Variants in EFHC1 observed in about 807,000 individuals in gnomAD.
The protein encoded by EFHC1 is EF-hand domain containing 1, also known as EF-hand domain-containing protein 1.
EFHC1 carries 53 observed loss-of-function variants against 69.9 expected under a neutral mutation model. The observed-to-expected ratio is 0.76, with a 90% CI of 0.61 to 0.95. The LOEUF (loss-of-function observed/expected upper bound fraction) is 0.95, where lower values mean the gene tolerates loss of function less well. Among genes scored for constraint, EFHC1 ranks in the 40% least tolerant of loss-of-function variants. The pLI, the probability that EFHC1 is intolerant of heterozygous loss-of-function variation, is 0.00. For missense variants in EFHC1, 739 were observed against 798.7 expected, an observed-to-expected ratio of 0.93 and a Z score of 0.90; for synonymous variants, 256 against 278.4, an observed-to-expected ratio of 0.92 and a Z score of 0.80.
At chr6:52,468,930 G>A (rs1317648031) in intron 6 of EFHC1, 3 of 285,458 alleles carry the variant, frequency 1.1e-5, no homozygotes, top group Non-Finnish European at 2.0e-5. Context: ...TGGTACTAGG[G>A]ACTATATGGA....
rs1415380898 is a variant in EFHC1, at chr6:52,493,862, A to G, written c.*1521A>G. ...AGCCACCCAAAATGTGGTATGAATG[A>G]GGATAGAGTTACACAGAATTCAGAC... On this transcript the variant is annotated 3_prime_UTR_variant, in exon 11 of 11. Coordinates refer to ENST00000371068, the MANE Select transcript of EFHC1 (RefSeq NM_018100.4). The G allele has an allele frequency of 4.4e-6, 2 of 454,118 alleles. No individual in the cohort carries two copies. Among genetic ancestry groups the G allele is most frequent in the Non-Finnish European group, 8.8e-6 (2 of 226,800 alleles). 28.1% of individuals were successfully genotyped at this position (454,118 alleles called of 1,614,324 possible). A position where few individuals can be genotyped will look rare whatever the true frequency, so the allele number is the denominator to read the frequency against.
At chr6:52,477,662 A>G (rs1478032306) in intron 7 of EFHC1, among the ~76,000 whole-genome samples, 1 of 152,210 alleles carries the variant, frequency 6.6e-6, no homozygotes, top group African/African-American at 2.4e-5. Context: ...GCAGCCAAAA[A>G]ACACATGAAA....
intron 3 of EFHC1, among the ~76,000 whole-genome samples, chr6:52,448,531 A>G (rs1764840586): frequency 6.6e-6 from 1 of 152,166 alleles, no homozygotes; most frequent in African/African-American, 2.4e-5. Context: ...AGATGAGGCA[A>G]TGCCCTGCCC....
At position 52,453,261 on chromosome 6, in the gene EFHC1, T is replaced by G. The variant is rs761438275; in HGVS notation, c.723+424T>G. The G allele has an allele frequency of 5.4e-6, 7 of 1,288,134 alleles. No individual in the cohort carries two copies. The South Asian group carries it at 8.6e-5, about 16-fold the overall frequency. 79.8% of individuals were successfully genotyped at this position (1,288,134 alleles called of 1,614,324 possible). A position where few individuals can be genotyped will look rare whatever the true frequency, so the allele number is the denominator to read the frequency against. On this transcript the variant is annotated intron_variant, in intron 4 of 10. Transcript: ENST00000371068. ...AGGTTGTAATGTTAAAATGTTTAAT[T>G]TCACAGAAGCCCCACTACAGATGCT...
rs114831775 is a variant in EFHC1 at position 52,478,562 on chromosome 6, C to T, written c.1279-475C>T. Among the ~76,000 whole-genome samples the T allele has an allele frequency of 6.1e-3, 924 of 152,130 alleles. 7 individuals carry two copies. The highest frequency in any genetic ancestry group is 0.021 in the African/African-American group (871 of 41,502). ...TATATAAATTGATTTGCTTAAAAAA[C>T]GAAACCTTGCATAATCATCTTAGTG... On this transcript the variant is annotated intron_variant, in intron 7 of 10. Transcript: ENST00000371068.
intron 3 of EFHC1, among the ~76,000 whole-genome samples, chr6:52,449,400 G>C (rs1264554134): frequency 1.3e-5 from 2 of 149,360 alleles, no homozygotes; most frequent in African/African-American, 5.1e-5. Context: ...AAAAAAAATA[G>C]TACCAGCTCT....
chr6:52,438,664 A>C, intron 3 of EFHC1, 73 bp downstream of exon 3: 1 of 1,525,678 alleles, frequency 6.6e-7, no homozygotes, highest in Non-Finnish European at 9.1e-7. Context: ...CATTTCATTT[A>C]TTAGGGTAAG....
In EFHC1 at chr6:52,473,906, A is replaced by G. The variant is rs1206806564; in HGVS notation, c.1278+4433A>G. Among the ~76,000 whole-genome samples, 5 of 152,372 alleles carry G rather than the reference A, an allele frequency of 3.3e-5. No individual in the cohort carries two copies. In the East Asian group the frequency reaches 9.6e-4, roughly 29 times the overall value. ...AGCTTCAAGTGGGAGCAGATGTTTA[A>G]TACAGAAATCAACCAAGATCTTATA... is the stretch of plus-strand genomic sequence containing the variant. On this transcript the variant is annotated intron_variant, in intron 7 of 10. Coordinates refer to ENST00000371068, the MANE Select transcript of EFHC1 (RefSeq NM_018100.4).
chr6:52,467,829 T>C (rs1172114201), intron 6 of EFHC1, among the ~76,000 whole-genome samples: 1 of 152,210 alleles, frequency 6.6e-6, no homozygotes, highest in African/African-American at 2.4e-5. Flanking sequence ...TAGAGATAAA[T>C]AGAATGCCAA....
At chr6:52,447,062 G>A (rs947750721) in intron 3 of EFHC1, among the ~76,000 whole-genome samples, 1 of 152,168 alleles carries the variant, frequency 6.6e-6, no homozygotes, top group Admixed American at 6.5e-5. Flanking sequence ...TTCTCAAGGA[G>A]TATCTTTGTG....
rs1350361341 is a variant in EFHC1, at chr6:52,494,909, G to A, written c.*2568G>A. 2.2e-6 allele frequency: 1 copy of A among 451,976 alleles called. No individual in the cohort carries two copies. Among genetic ancestry groups the A allele is most frequent in the Non-Finnish European group, 4.4e-6 (1 of 225,362 alleles). 28.0% of individuals were successfully genotyped at this position (451,976 alleles called of 1,614,324 possible). Reference sequence around the variant, plus strand: ...TTATGGCTGCGTAGTATTCCATGGTGTAGATATACTTCATTTAAAAAATCT... The same window carrying A: ...TTATGGCTGCGTAGTATTCCATGGTATAGATATACTTCATTTAAAAAATCT... On this transcript the variant is annotated 3_prime_UTR_variant, in exon 11 of 11. Transcript: ENST00000371068.
intron 3 of EFHC1, among the ~76,000 whole-genome samples, chr6:52,449,715 T>C (rs1764873574): frequency 6.6e-6 from 1 of 152,224 alleles, no homozygotes; most frequent in Non-Finnish European, 1.5e-5. Context: ...TCTTCTCTCT[T>C]CTACATTAGT....
intron 3 of EFHC1, among the ~76,000 whole-genome samples, chr6:52,446,921 G>A (rs1764800099): frequency 6.6e-6 from 1 of 152,148 alleles, no homozygotes; most frequent in Non-Finnish European, 1.5e-5. Flanking sequence ...AGTTTCTGCC[G>A]AGAGATCCGC....
At chr6:52,453,889 C>G (rs186450427) in intron 4 of EFHC1, 1 of 1,415,280 alleles carries the variant, frequency 7.1e-7, no homozygotes, top group African/African-American at 1.4e-5. Context: ...TTATTTAATT[C>G]TTTCCAGCTG....
At chr6:52,456,451 A>G (rs1765046075) in intron 5 of EFHC1, among the ~76,000 whole-genome samples, 1 of 152,244 alleles carries the variant, frequency 6.6e-6, no homozygotes, top group Non-Finnish European at 1.5e-5. Flanking sequence ...GTCTCACTGA[A>G]ACTAAATCCC....
intron 3 of EFHC1, among the ~76,000 whole-genome samples, chr6:52,445,302 T>C (rs1581823955): frequency 6.6e-6 from 1 of 151,020 alleles, no homozygotes; most frequent in Admixed American, 6.6e-5. Context: ...AATTTATTTA[T>C]TTTTTTATTA....
Position 52,494,820 on chromosome 6 carries a change from A to T in EFHC1, c.*2479A>T, listed in dbSNP as rs1286924651. Reference sequence around the variant, plus strand: ...TATTTGGTTTCCTATTCCTGCATCAATTCACTTTAGGATAATGGCCTCCAG... The same window carrying T: ...TATTTGGTTTCCTATTCCTGCATCATTTCACTTTAGGATAATGGCCTCCAG... On this transcript the variant is annotated 3_prime_UTR_variant, in exon 11 of 11. Transcript: ENST00000371068. The T allele has an allele frequency of 8.8e-6, 4 of 452,656 alleles. No homozygotes were observed. Among genetic ancestry groups the T allele is most frequent in the Non-Finnish European group, 1.8e-5 (4 of 225,862 alleles). The allele number at this position is 452,656 out of a possible 1,614,324, so 28.0% of individuals were successfully genotyped here.
At chr6:52,452,539 G>C (rs1764937590) in intron 3 of EFHC1, 149 bp from the exon 4 acceptor site, 1 of 799,086 alleles carries the variant, frequency 1.3e-6, no homozygotes, top group Non-Finnish European at 2.1e-6. Context: ...TGCGTTTCAG[G>C]AGTCCTCCTA....
At position 52,446,589 on chromosome 6, in the gene EFHC1, T is replaced by G. The variant is rs192705107; in HGVS notation, c.574-6099T>G. On this transcript the variant is annotated intron_variant, in intron 3 of 10. Transcript: ENST00000371068. ...AAGGTTAATATTGTTAAGTGTGAATTTGATCCTGTCATTATGATGTTAGAT... is the reference window on the plus strand; with the variant it reads ...AAGGTTAATATTGTTAAGTGTGAATGTGATCCTGTCATTATGATGTTAGAT... 1.8e-3 allele frequency among the ~76,000 whole-genome samples: 270 copies of G among 152,336 alleles called. 2 individuals are homozygous for G. Among genetic ancestry groups the G allele is most frequent in the African/African-American group, 5.7e-3 (238 of 41,572 alleles).
Sources: allele counts gnomAD v4.1 joint callset (sites outside exome capture counted in the v4.1 genomes callset), GRCh38; gene constraint gnomAD v4.1.1; transcripts MANE v1.5; gene names NCBI Gene and HGNC (gene_info 2026-07-23, HGNC 2026-07-21).